DHX58: variants seen among roughly 807,000 people sequenced by gnomAD.
DHX58 encodes the protein ATP-dependent RNA helicase DHX58.
DHX58 carries 51 observed loss-of-function variants against 65.0 expected under a neutral mutation model. The observed-to-expected ratio is 0.78, with a 90% CI of 0.63 to 0.99. The LOEUF (loss-of-function observed/expected upper bound fraction) is 0.99, where lower values mean the gene tolerates loss of function less well. DHX58 is among the 50% of genes least tolerant of loss of function. The pLI, the probability that DHX58 is intolerant of heterozygous loss-of-function variation, is 0.00. For missense variants in DHX58, 773 were observed against 891.8 expected (o/e 0.87, Z 1.70); for synonymous variants, 350 against 365.0 (o/e 0.96, Z 0.47).
chr17:42,106,842 G>T (rs1433542081), intron 8 of DHX58, among the ~76,000 whole-genome samples: 2 of 151,716 alleles, frequency 1.3e-5, no homozygotes, highest in East Asian at 3.9e-4. Context: ...CTCCTACCGA[G>T]CCCACTCTCA....
intron 6 of DHX58, among the ~76,000 whole-genome samples, chr17:42,108,540 C>T (rs1265090396): frequency 1.3e-5 from 2 of 152,238 alleles, no homozygotes; most frequent in East Asian, 1.9e-4. Flanking sequence ...CGGCAGGGCA[C>T]GCTTGCTCGC....
In DHX58 at chr17:42,101,816, T is replaced by A. The variant is rs1555661586; in HGVS notation, c.1982A>T (p.Asp661Val). The A allele has an allele frequency of 6.2e-7, 1 of 1,614,198 alleles. No homozygotes were observed. The highest frequency in any genetic ancestry group is 1.7e-5 in the Admixed American group (1 of 60,028). ...GGCACAATGCTGCAGGAAGTCAAAGTCAGGCACGGAGAAGGGCACGCGGGA... is the reference window on the plus strand; with the variant it reads ...GGCACAATGCTGCAGGAAGTCAAAGACAGGCACGGAGAAGGGCACGCGGGA... ...KWSRVPFSVP[D>V]FDFLQHCAEN... Residue 661 changes from aspartate to valine, a missense_variant, in exon 14 of 14, where the codon GAC becomes GTC. By Grantham distance (152) the Asp-to-Val change is radical. Transcript: ENST00000251642.
intron 5 of DHX58, 36 bp from the exon 6 acceptor site, chr17:42,109,422 G>C (rs375558406): frequency 1.3e-6 from 2 of 1,569,798 alleles, no homozygotes; most frequent in South Asian, 2.3e-5. Context: ...GAAAGGGAGG[G>C]TCTGTGGGGA....
Position 42,111,814 on chromosome 17 carries a change from C to T in DHX58, c.79G>A (p.Gly27Ser). 1 of 1,614,110 alleles carries T rather than the reference C, an allele frequency of 6.2e-7. No homozygotes were observed. Among genetic ancestry groups the T allele is most frequent in the Non-Finnish European group, 8.5e-7 (1 of 1,179,982 alleles). The change falls in exon 3 of 14, where the codon GGT (glycine) becomes AGT (serine). Residue 27 changes from glycine to serine, a missense_variant. By Grantham distance (56) the Gly-to-Ser change is moderately conservative. Coordinates refer to ENST00000251642, the MANE Select transcript of DHX58 (RefSeq NM_024119.3). ...GKNIIIWLPT[G>S]AGKTRAAAYV... The stretch of plus-strand genomic sequence containing the variant: ...GCAGCCGCCCGGGTCTTCCCGGCAC[C>T]CGTGGGCAGCCAGATGATGATATTC...
chr17:42,109,258 G>GC lies in DHX58; in HGVS notation c.678+11dup, dbSNP rs782707704. 23 of 1,606,156 alleles carry GC rather than the reference G, an allele frequency of 1.4e-5. No homozygotes were observed. The highest frequency in any genetic ancestry group is 1.9e-5 in the Non-Finnish European group (22 of 1,175,390). On this transcript the variant is annotated intron_variant, in intron 6 of 13. Transcript: ENST00000251642. ...CGGCTCCCGCTCTCGCCGTGTCCCT[G>GC]CCCCCGCGTACCTGGCTGCGCCTGT...
chr17:42,104,680 G>C (rs2054026892), intron 11 of DHX58, 86 bp downstream of exon 11: 4 of 1,537,490 alleles, frequency 2.6e-6, no homozygotes, highest in Non-Finnish European at 3.5e-6. Context: ...GGGGACAGGG[G>C]GACGTATGTG....
In DHX58 at chr17:42,111,422, C is replaced by G; in HGVS notation, c.244G>C (p.Gly82Arg). Residue 82 changes from glycine to arginine, a missense_variant, in exon 4 of 14, where the codon GGG (glycine) becomes CGG (arginine). Gly to Arg is a moderately radical substitution (Grantham distance 125, BLOSUM62 -2). Coordinates refer to ENST00000251642, the MANE Select transcript of DHX58 (RefSeq NM_024119.3). Reference protein sequence around the residue: ...DGRWTVTTLSGDMGPRAGFGH... With the variant: ...DGRWTVTTLSRDMGPRAGFGH... ...AAGCCAGCACGTGGTCCCATGTCCC[C>G]ACTCAGGGTTGTCACGGTCCAGCGT... 6.2e-7 allele frequency: 1 copy of G among 1,614,208 alleles called. No individual in the cohort carries two copies. The highest frequency in any genetic ancestry group is 1.7e-5 in the Admixed American group (1 of 60,026).
chr17:42,104,890 G>C lies in DHX58; in HGVS notation c.1439C>G (p.Ala480Gly), dbSNP rs774769302. 2.8e-5 allele frequency: 45 copies of C among 1,614,012 alleles called. No individual in the cohort carries two copies. Among genetic ancestry groups the C allele is most frequent in the Non-Finnish European group, 3.8e-5 (45 of 1,180,038 alleles). Residue 480 changes from alanine (A) to glycine (G), a missense_variant, in exon 11 of 14, where the codon GCG becomes GGG. Physicochemically the swap from Ala to Gly is moderately conservative, Grantham distance 60 (BLOSUM62 0). Transcript: ENST00000251642. ...GRARADQSVYAFVATEGSREL... is the reference protein window; with the variant it reads ...GRARADQSVYGFVATEGSREL... Reference sequence around the variant, plus strand: ...CCGGCTACCTTCAGTTGCTACAAACGCGTATACACTCTGATCGGCCCGGGC... The same window carrying C: ...CCGGCTACCTTCAGTTGCTACAAACCCGTATACACTCTGATCGGCCCGGGC...
chr17:42,107,526 T>G (rs1316850006), intron 8 of DHX58, 78 bp downstream of exon 8: 1 of 1,436,464 alleles, frequency 7.0e-7, no homozygotes, highest in Non-Finnish European at 9.2e-7. Context: ...CATCCGACCT[T>G]GGCGCCTGTG....
At chr17:42,109,759 G>A (rs1167338004) in intron 5 of DHX58, among the ~76,000 whole-genome samples, 2 of 152,024 alleles carry the variant, frequency 1.3e-5, no homozygotes, top group East Asian at 3.9e-4. Flanking sequence ...GCCAGGCATG[G>A]TGGCACGCGC....
At chr17:42,111,928 CT>C in intron 2 of DHX58, 35 bp from the exon 3 acceptor site, 1 of 1,577,856 alleles carries the variant, frequency 6.3e-7, no homozygotes, top group Non-Finnish European at 8.6e-7. Context: ...CCACCGACTC[CT>C]CCACCCCTCC....
intron 12 of DHX58, 50 bp from the exon 13 acceptor site, chr17:42,102,362 C>A (rs782401196): frequency 6.6e-7 from 1 of 1,525,706 alleles, no homozygotes; most frequent in Admixed American, 1.7e-5. Context: ...TCCTCAGCCC[C>A]GGATCTCATG....
intron 4 of DHX58, 28 bp from the exon 5 acceptor site, chr17:42,110,941 C>T (rs2054140587): frequency 6.4e-7 from 1 of 1,559,290 alleles, no homozygotes; most frequent in Non-Finnish European, 8.7e-7. Context: ...AAGGCTGTGA[C>T]CTATGTTTGC....
Position 42,103,771 on chromosome 17 carries a change from T to A in DHX58, c.1591A>T (p.Thr531Ser), listed in dbSNP as rs2054013685. 6.2e-7 allele frequency: 1 copy of A among 1,609,818 alleles called. No homozygotes were observed. Among genetic ancestry groups the A allele is most frequent in the Non-Finnish European group, 8.5e-7 (1 of 1,179,908 alleles). ...TGGGCTGCCTGGGCCGCCCGCTTGG[T>A]CAAGGCTGCCTGCTGCAGATCCCGG... ...KIRDLQQAAL[T>S]KRAAQAAQRE... The change falls in exon 12 of 14, where the codon ACC (threonine) becomes TCC (serine). Residue 531 changes from threonine to serine, a missense_variant. Coordinates refer to ENST00000251642, the MANE Select transcript of DHX58 (RefSeq NM_024119.3).
chr17:42,109,027 A>G (rs1004617402), intron 6 of DHX58, among the ~76,000 whole-genome samples: 1 of 152,238 alleles, frequency 6.6e-6, no homozygotes, highest in Non-Finnish European at 1.5e-5. Flanking sequence ...TCTGGTTTGT[A>G]GTGCACTCCC....
intron 5 of DHX58, among the ~76,000 whole-genome samples, chr17:42,109,845 A>C (rs1184717269): frequency 7.3e-5 from 11 of 151,166 alleles, no homozygotes; most frequent in Admixed American, 4.0e-4. Flanking sequence ...CAGTGAGCCA[A>C]GATCGTGCCA....
rs781997539 is a variant in DHX58, at chr17:42,111,446, GT to G, written c.219del (p.Arg74AlafsTer4). The G allele has an allele frequency of 3.7e-6, 6 of 1,614,060 alleles. No individual in the cohort carries two copies. Among genetic ancestry groups the G allele is most frequent in the Non-Finnish European group, 4.2e-6 (5 of 1,180,048 alleles). On this transcript the variant is annotated frameshift_variant, in exon 4 of 14. Coordinates refer to ENST00000251642, the MANE Select transcript of DHX58 (RefSeq NM_024119.3). LOFTEE classifies it high-confidence loss of function. ...CCACTCAGGGTTGTCACGGTCCAGC[GT>G]CCATCCAGCATGCGCCTGAACTCTT... ...HGEEFRRMLD[G>X]RWTVTTLSGD...
chr17:42,111,351 C>T lies in DHX58; in HGVS notation c.315G>A (p.Glu105=). The change falls in exon 4 of 14, where the codon GAG becomes GAA. Residue 105 remains glutamate (E), a synonymous_variant. Transcript: ENST00000251642. ...GGCTGGTCAGTGCCATCTGCAGAAG[C>T]TCTGCTGTGCAGATGAGCAGGTCAT... ...RCHDLLICTA[E]LLQMALTSPE... The T allele has an allele frequency of 9.9e-6, 16 of 1,614,194 alleles. No homozygotes were observed. Among genetic ancestry groups the T allele is most frequent in the Non-Finnish European group, 1.4e-5 (16 of 1,180,012 alleles).
rs782329824 is a variant in DHX58, at chr17:42,111,745, C to T, written c.148G>A (p.Val50Met). The change falls in exon 3 of 14, where the codon GTG (valine) becomes ATG (methionine). Residue 50 changes from valine (V) to methionine (M), a missense_variant. By Grantham distance (21) the Val-to-Met change is conservative. Transcript: ENST00000251642. ...CTCACCCTGTTGACCAATACAACCA[C>T]CTTGGCTCCATCCACAGTCTCTAGG... is the stretch of plus-strand genomic sequence containing the variant. ...RHLETVDGAK[V>M]VVLVNRVHLV... is the part of the protein sequence containing the mutation. 1.2e-6 allele frequency: 2 copies of T among 1,613,252 alleles called. No individual in the cohort carries two copies. The highest frequency in any genetic ancestry group is 1.7e-6 in the Non-Finnish European group (2 of 1,179,438).
Sources: gnomAD v4.1 joint callset for allele counts (sites outside exome capture counted in the v4.1 genomes callset) on GRCh38, gnomAD v4.1.1 for gene constraint, MANE v1.5 for transcripts, NCBI Gene and HGNC (gene_info 2026-07-23, HGNC 2026-07-21) for gene names.